Variants in RGS7BP observed in about 807,000 individuals in gnomAD.
The protein encoded by RGS7BP is regulator of G protein signaling 7 binding protein, also known as regulator of G protein signaling 7-binding protein.
Under a neutral mutation model 31.3 loss-of-function variants are expected in RGS7BP, and 9 were observed. The ratio of observed to expected loss-of-function variants is 0.29; its 90% CI spans 0.17 to 0.50. The LOEUF (loss-of-function observed/expected upper bound fraction) is 0.50. Among genes scored for constraint, RGS7BP ranks in the 20% least tolerant of loss-of-function variants. RGS7BP has a pLI of 0.98. For missense variants in RGS7BP, 274 were observed against 322.0 expected, an observed-to-expected ratio of 0.85 and a Z score of 1.14; for synonymous variants, 115 against 120.1, an observed-to-expected ratio of 0.96 and a Z score of 0.28.
chr5:64,590,204 C>T (rs866550143), intron 3 of RGS7BP, among the ~76,000 whole-genome samples: 4 of 151,450 alleles, frequency 2.6e-5, no homozygotes, highest in Admixed American at 6.6e-5. Flanking sequence ...ATATATCCAG[C>T]CAGTTAGAAT....
chr5:64,542,139 A>G (rs1455187142), intron 2 of RGS7BP, among the ~76,000 whole-genome samples: 1 of 152,218 alleles, frequency 6.6e-6, no homozygotes, highest in African/African-American at 2.4e-5. Context: ...CGTGTTAACG[A>G]AAGAGTTGAA....
At chr5:64,564,037 C>T (rs964128549) in intron 2 of RGS7BP, among the ~76,000 whole-genome samples, 4 of 152,168 alleles carry the variant, frequency 2.6e-5, no homozygotes, top group Non-Finnish European at 5.9e-5. Context: ...GTGTTAGCAT[C>T]ACTCTCTAGT....
chr5:64,521,690 C>T (rs1357499752), intron 2 of RGS7BP, among the ~76,000 whole-genome samples: 1 of 152,164 alleles, frequency 6.6e-6, no homozygotes, highest in Non-Finnish European at 1.5e-5. Flanking sequence ...TTTTCCCTTA[C>T]CCTCGCCAAA....
At chr5:64,601,975 T>G (rs1743229819) in intron 5 of RGS7BP, among the ~76,000 whole-genome samples, 1 of 152,182 alleles carries the variant, frequency 6.6e-6, no homozygotes, top group African/African-American at 2.4e-5. Flanking sequence ...TAGAATTTGG[T>G]CGTTGATGCC....
At chr5:64,541,898 G>A (rs1471098941) in intron 2 of RGS7BP, among the ~76,000 whole-genome samples, 1 of 151,612 alleles carries the variant, frequency 6.6e-6, no homozygotes, top group Non-Finnish European at 1.5e-5. Context: ...AATTTGCTTA[G>A]AAAGAACTTC....
At chr5:64,551,806 T>C (rs1167211022) in intron 2 of RGS7BP, among the ~76,000 whole-genome samples, 2 of 152,320 alleles carry the variant, frequency 1.3e-5, no homozygotes, top group Non-Finnish European at 2.9e-5. Context: ...TTCTATTCTT[T>C]ATAGCTAATC....
intron 5 of RGS7BP, among the ~76,000 whole-genome samples, chr5:64,599,731 T>C (rs1480591624): frequency 1.3e-5 from 2 of 152,220 alleles, no homozygotes; most frequent in African/African-American, 4.8e-5. Flanking sequence ...ATAAGCACAG[T>C]GTTTAGAACA....
chr5:64,522,239 G>A (rs937328760), intron 2 of RGS7BP, among the ~76,000 whole-genome samples: 1 of 152,178 alleles, frequency 6.6e-6, no homozygotes, highest in Admixed American at 6.5e-5. Flanking sequence ...TGAATGGAAG[G>A]CTGAATGGAA....
chr5:64,561,981 C>T (rs971136381), intron 2 of RGS7BP, among the ~76,000 whole-genome samples: 1 of 151,996 alleles, frequency 6.6e-6, no homozygotes, highest in East Asian at 1.9e-4. Context: ...TGTAGGTCTC[C>T]ACGGTGGAGC....
chr5:64,602,741 C>T (rs542229919), intron 5 of RGS7BP, among the ~76,000 whole-genome samples: 27 of 152,172 alleles, frequency 1.8e-4, no homozygotes, highest in South Asian at 4.2e-4. Flanking sequence ...ATCGGAAAGA[C>T]GCAGAAATTA....
intron 3 of RGS7BP, among the ~76,000 whole-genome samples, chr5:64,588,436 A>G (rs1742817067): frequency 6.6e-6 from 1 of 152,174 alleles, no homozygotes; most frequent in African/African-American, 2.4e-5. Context: ...CTTATAAAAG[A>G]CACAGAATCC....
At chr5:64,586,907 T>G (rs894866098) in intron 3 of RGS7BP, among the ~76,000 whole-genome samples, 1 of 151,380 alleles carries the variant, frequency 6.6e-6, no homozygotes, top group African/African-American at 2.4e-5. Context: ...ATGAAAGGAA[T>G]AAATCCATAC....
rs947372193 is a variant in RGS7BP, at chr5:64,506,189, G to A, written c.-436G>A. ...AGTGCCGCTGCGGGAAGACACTGAA[G>A]CAAGAGCGACACCCCTTTCCGCCCC... On this transcript the variant is annotated 5_prime_UTR_variant, in exon 1 of 6. Transcript: ENST00000334025. The surrounding 1 kb of genome is among the most constrained non-coding windows in gnomAD (Gnocchi z 4.6). 15 of 155,168 alleles carry A rather than the reference G, an allele frequency of 9.7e-5. No individual in the cohort carries two copies. Among genetic ancestry groups the A allele is most frequent in the East Asian group, 9.5e-4 (5 of 5,252 alleles). The allele number at this position is 155,168 out of a possible 1,614,324, so 9.6% of individuals were successfully genotyped here. A position where few individuals can be genotyped will look rare whatever the true frequency, so the allele number is the denominator to read the frequency against.
chr5:64,574,390 G>A (rs1011326028), intron 2 of RGS7BP, among the ~76,000 whole-genome samples: 5 of 152,074 alleles, frequency 3.3e-5, no homozygotes, highest in African/African-American at 1.2e-4. Flanking sequence ...GCATCTATGG[G>A]AGGATGCTCT....
intron 2 of RGS7BP, among the ~76,000 whole-genome samples, chr5:64,559,650 G>A (rs1014474688): frequency 1.2e-4 from 19 of 152,244 alleles, no homozygotes; most frequent in African/African-American, 3.4e-4. Context: ...AGAGGAAGGA[G>A]GAGGACTATA....
chr5:64,506,458 C>T lies in RGS7BP; in HGVS notation c.-167C>T. ...CGGCACAGCTAGCGCTTCCCCGGCT[C>T]TCCTTCAAGCTGAAGGTTACCGACC... is the stretch of plus-strand genomic sequence containing the variant. On this transcript the variant is annotated 5_prime_UTR_variant, in exon 1 of 6. Transcript: ENST00000334025. This position sits in a 1 kb window ranked among gnomAD's most constrained non-coding sequence, Gnocchi z 4.6. 1 of 491,740 alleles carries T rather than the reference C, an allele frequency of 2.0e-6. No homozygotes were observed. The highest frequency in any genetic ancestry group is 3.6e-5 in the Admixed American group (1 of 27,864). 30.5% of individuals were successfully genotyped at this position (491,740 alleles called of 1,614,324 possible).
At chr5:64,548,843 G>T (rs2111830318) in intron 2 of RGS7BP, among the ~76,000 whole-genome samples, 1 of 146,804 alleles carries the variant, frequency 6.8e-6, no homozygotes, top group East Asian at 1.9e-4. Context: ...AAAGTCGAAA[G>T]CCCTTTCCTT....
intron 2 of RGS7BP, chr5:64,539,917 A>G (rs935873441): frequency 6.6e-6 from 1 of 152,174 alleles, no homozygotes; most frequent in African/African-American, 2.4e-5. Flanking sequence ...TGAATGCCCA[A>G]TGTTTCAGTA....
intron 2 of RGS7BP, among the ~76,000 whole-genome samples, chr5:64,566,196 A>G (rs1325232251): frequency 6.6e-6 from 1 of 152,112 alleles, no homozygotes; most frequent in Non-Finnish European, 1.5e-5. Flanking sequence ...ACAGATGCCA[A>G]CTTACTACCC....
Sources: allele counts gnomAD v4.1 joint callset (sites outside exome capture counted in the v4.1 genomes callset), GRCh38; gene constraint gnomAD v4.1.1; non-coding constraint Gnocchi (gnomAD v3.1); transcripts MANE v1.5; gene names NCBI Gene and HGNC (gene_info 2026-07-23, HGNC 2026-07-21).